Variants in ARHGEF7 observed in about 807,000 individuals in gnomAD.
ARHGEF7 encodes PAK-interacting exchange factor beta.
ARHGEF7 carries 33 observed loss-of-function variants against 109.8 expected under a neutral mutation model. The observed-to-expected ratio is 0.30, with a 90% confidence interval of 0.23 to 0.40. The LOEUF (loss-of-function observed/expected upper bound fraction) is 0.40, where lower values mean the gene tolerates loss of function less well. Among genes scored for constraint, ARHGEF7 ranks in the 10% least tolerant of loss-of-function variants. The pLI is 1.00. For missense variants in ARHGEF7, 938 were observed against 1,098.5 expected (o/e 0.85, Z 2.07); for synonymous variants, 458 against 424.6 (o/e 1.08, Z -0.97).
chr13:111,235,151 G>T (rs2086629677), intron 6 of ARHGEF7, among the ~76,000 whole-genome samples: 1 of 152,134 alleles, frequency 6.6e-6, no homozygotes, highest in African/African-American at 2.4e-5. Flanking sequence ...GATTCCAAAG[G>T]GTGTGTTACC....
chr13:111,222,000 G>A (rs560701148), intron 5 of ARHGEF7, among the ~76,000 whole-genome samples: 5 of 152,124 alleles, frequency 3.3e-5, no homozygotes, highest in South Asian at 2.1e-4. Context: ...GGTCAGTCTC[G>A]CCTTTTCACG....
chr13:111,182,910 C>T (rs1464214492), intron 2 of ARHGEF7, among the ~76,000 whole-genome samples: 3 of 152,196 alleles, frequency 2.0e-5, no homozygotes, highest in Non-Finnish European at 4.4e-5. Flanking sequence ...CTATTCAACG[C>T]TGTGTTATAA....
chr13:111,167,510 G>A (rs991174622), intron 2 of ARHGEF7, among the ~76,000 whole-genome samples: 23 of 152,210 alleles, frequency 1.5e-4, no homozygotes, highest in African/African-American at 5.1e-4. Flanking sequence ...AGATGAGGGT[G>A]TAGCTCTTTG....
At chr13:111,222,103 T>A (rs1415183871) in intron 5 of ARHGEF7, among the ~76,000 whole-genome samples, 1 of 152,102 alleles carries the variant, frequency 6.6e-6, no homozygotes, top group Non-Finnish European at 1.5e-5. Flanking sequence ...CGGACTCAAA[T>A]GTGAATCTCC....
chr13:111,284,817 T>G (rs907185305), intron 16 of ARHGEF7, among the ~76,000 whole-genome samples: 1 of 151,812 alleles, frequency 6.6e-6, no homozygotes, highest in African/African-American at 2.4e-5. Flanking sequence ...TCTGCCTGGC[T>G]CTGGCTCAGG....
chr13:111,194,802 G>A (rs1378378512), intron 2 of ARHGEF7, among the ~76,000 whole-genome samples: 3 of 152,254 alleles, frequency 2.0e-5, no homozygotes, highest in Non-Finnish European at 4.4e-5. Context: ...AAGTTGGGAT[G>A]TGTGGTCTGT....
At chr13:111,287,343 T>C (rs1187464302) in intron 17 of ARHGEF7, among the ~76,000 whole-genome samples, 1 of 152,170 alleles carries the variant, frequency 6.6e-6, no homozygotes, top group Non-Finnish European at 1.5e-5. Context: ...GAGAGGGCTG[T>C]TCTGTGGGCC....
intron 9 of ARHGEF7, among the ~76,000 whole-genome samples, chr13:111,271,475 C>G (rs1016846408): frequency 1.3e-5 from 2 of 152,232 alleles, no homozygotes; most frequent in African/African-American, 4.8e-5. Context: ...CCTTGCTGTG[C>G]AGGTGTTACC....
chr13:111,267,710 G>T, intron 9 of ARHGEF7, 40 bp downstream of exon 9: 1 of 1,610,052 alleles, frequency 6.2e-7, no homozygotes, highest in South Asian at 1.1e-5. Flanking sequence ...GAGGGTGGAT[G>T]GCTCTGTGTC....
intron 19 of ARHGEF7, chr13:111,292,623 A>T: frequency 5.0e-6 from 6 of 1,195,568 alleles, no homozygotes; most frequent in Non-Finnish European, 6.2e-6. Context: ...TTCTCAGTGT[A>T]GCAACTGTTT....
At chr13:111,214,133 CT>C (rs780118252) in intron 4 of ARHGEF7, among the ~76,000 whole-genome samples, 1 of 152,230 alleles carries the variant, frequency 6.6e-6, no homozygotes, top group Non-Finnish European at 1.5e-5. Context: ...GCCGCCCTTT[CT>C]TTCTGGGGTG....
intron 6 of ARHGEF7, among the ~76,000 whole-genome samples, chr13:111,242,558 C>A (rs1013435211): frequency 6.6e-6 from 1 of 152,128 alleles, no homozygotes; most frequent in African/African-American, 2.4e-5. Context: ...GCAGAAAATA[C>A]GTGTAATGTG....
chr13:111,253,121 T>C (rs552446591), intron 8 of ARHGEF7, among the ~76,000 whole-genome samples: 9 of 152,258 alleles, frequency 5.9e-5, no homozygotes, highest in African/African-American at 2.2e-4. Flanking sequence ...AGATAGTGAG[T>C]GCTCTCTCAG....
chr13:111,152,044 TAA>T (rs2075915884), intron 1 of ARHGEF7, among the ~76,000 whole-genome samples: 5 of 152,214 alleles, frequency 3.3e-5, no homozygotes, highest in Non-Finnish European at 7.3e-5. Context: ...GCTGAGTTCA[TAA>T]ATACAGACTC....
chr13:111,141,371 A>T (rs61691650), intron 1 of ARHGEF7, among the ~76,000 whole-genome samples: 10 of 146,934 alleles, frequency 6.8e-5, no homozygotes, highest in East Asian at 4.0e-4. Flanking sequence ...TTTTTTTTTT[A>T]AATTACATTT....
At chr13:111,152,887 G>T (rs760375157) in intron 1 of ARHGEF7, among the ~76,000 whole-genome samples, 3 of 152,188 alleles carry the variant, frequency 2.0e-5, no homozygotes, top group Non-Finnish European at 4.4e-5. Flanking sequence ...CTTGCCGTGG[G>T]TAAGGTCCAA....
At chr13:111,174,372 C>G (rs1365526887) in intron 2 of ARHGEF7, among the ~76,000 whole-genome samples, 2 of 152,232 alleles carry the variant, frequency 1.3e-5, no homozygotes, top group African/African-American at 4.8e-5. Flanking sequence ...TTCATGTCTT[C>G]CGAATTCTTC....
At chr13:111,282,252 C>T (rs2092814031) in intron 15 of ARHGEF7, among the ~76,000 whole-genome samples, 1 of 152,198 alleles carries the variant, frequency 6.6e-6, no homozygotes. Context: ...GCCGGCCCCA[C>T]TCCGTTTCCA....
At chr13:111,216,592 T>C (rs1049066110) in intron 4 of ARHGEF7, among the ~76,000 whole-genome samples, 21 of 151,980 alleles carry the variant, frequency 1.4e-4, no homozygotes, top group African/African-American at 4.8e-4. Flanking sequence ...TCTGCTGATG[T>C]TGCTGGTGGG....
Sources: allele counts gnomAD v4.1 joint callset (sites outside exome capture counted in the v4.1 genomes callset), GRCh38; gene constraint gnomAD v4.1.1; transcripts MANE v1.5; gene names NCBI Gene and HGNC (gene_info 2026-07-23, HGNC 2026-07-21).